The following GALNTL6 variants were observed in gnomAD, a reference collection of about 807,000 sequenced individuals.
GALNTL6 encodes polypeptide N-acetylgalactosaminyltransferase like 6.
A neutral mutation model predicts 73.7 loss-of-function variants in GALNTL6; 46 were observed. That is an observed-to-expected ratio of 0.62 (90% CI 0.49 to 0.80). GALNTL6 has a LOEUF of 0.80. GALNTL6 is among the 30% of genes least tolerant of loss of function. The pLI is 0.00. For synonymous variants in GALNTL6, 259 were observed against 263.7 expected (o/e 0.98, Z 0.17); for missense variants, 604 against 755.0 (o/e 0.80, Z 2.34).
intron 2 of GALNTL6, among the ~76,000 whole-genome samples, chr4:171,846,911 CATATAA>C (rs1735387713): frequency 1.5e-4 from 2 of 12,934 alleles, no homozygotes; most frequent in East Asian, 4.6e-3. Context: ...ATTATATATA[CATATAA>C]TTATATGTAA....
chr4:172,682,608 G>A (rs182760596), intron 5 of GALNTL6, among the ~76,000 whole-genome samples: 17 of 152,156 alleles, frequency 1.1e-4, no homozygotes, highest in Non-Finnish European at 1.6e-4. Flanking sequence ...TTAAATATTT[G>A]CCAATATTTG....
At chr4:171,969,019 T>C (rs167981) in intron 2 of GALNTL6, among the ~76,000 whole-genome samples, 73,736 of 151,702 alleles carry the variant, frequency 0.49, 18,638 homozygotes, top group East Asian at 0.61. Flanking sequence ...GTATTTTTAG[T>C]AGTGGTGGGG....
chr4:172,929,315 C>T (rs1017813768), intron 8 of GALNTL6, among the ~76,000 whole-genome samples: 1 of 152,164 alleles, frequency 6.6e-6, no homozygotes, highest in African/African-American at 2.4e-5. Flanking sequence ...TGACATTCCT[C>T]TTAGTGAAAG....
Position 172,588,222 on chromosome 4 carries a change from G to A in GALNTL6, c.554-221139G>A, listed in dbSNP as rs7677182. Among the ~76,000 whole-genome samples, 1,295 of 152,146 alleles carry A rather than the reference G, an allele frequency of 8.5e-3. 23 individuals are homozygous for A. Among genetic ancestry groups the A allele is most frequent in the African/African-American group, 0.03 (1,243 of 41,500 alleles). The stretch of plus-strand genomic sequence containing the variant: ...TTATGTGTATTGTAGTTTTTACCAT[G>A]GGTCTTAAATTATAGCACACTTTTA... On this transcript the variant is annotated intron_variant, in intron 5 of 12. Transcript: ENST00000506823.
intron 8 of GALNTL6, among the ~76,000 whole-genome samples, chr4:172,905,613 T>G (rs1478232242): frequency 6.6e-6 from 1 of 152,008 alleles, no homozygotes; most frequent in Non-Finnish European, 1.5e-5. Context: ...AAGAACAACA[T>G]GGATTTTACT....
intron 5 of GALNTL6, among the ~76,000 whole-genome samples, chr4:172,536,343 T>A (rs1031731588): frequency 6.6e-6 from 1 of 152,178 alleles, no homozygotes; most frequent in Non-Finnish European, 1.5e-5. Context: ...AATCAGAGGT[T>A]GGAACAGTTT....
intron 7 of GALNTL6, among the ~76,000 whole-genome samples, chr4:172,850,369 T>C (rs78765987): frequency 0.017 from 2,662 of 152,264 alleles, 77 homozygotes; most frequent in African/African-American, 0.06. Flanking sequence ...TAGAGCAGGA[T>C]AACTATGGAT....
chr4:172,594,969 C>G (rs937995639), intron 5 of GALNTL6, among the ~76,000 whole-genome samples: 3 of 152,116 alleles, frequency 2.0e-5, no homozygotes, highest in Non-Finnish European at 1.5e-5. Flanking sequence ...GTCAGGGTGG[C>G]CCCGTGGTTG....
At chr4:172,990,049 G>A (rs1751472250) in intron 10 of GALNTL6, among the ~76,000 whole-genome samples, 1 of 152,028 alleles carries the variant, frequency 6.6e-6, no homozygotes, top group Non-Finnish European at 1.5e-5. Context: ...CTCTGTACAG[G>A]GACTGTGTAA....
At chr4:171,855,174 CT>C (rs373026216) in intron 2 of GALNTL6, among the ~76,000 whole-genome samples, 120 of 152,252 alleles carry the variant, frequency 7.9e-4, no homozygotes, top group African/African-American at 2.6e-3. Context: ...GTTGTAGAAT[CT>C]ATGGGTTTTG....
intron 2 of GALNTL6, among the ~76,000 whole-genome samples, chr4:171,883,800 A>T (rs535041974): frequency 4.2e-4 from 64 of 151,856 alleles, no homozygotes; most frequent in African/African-American, 1.5e-3. Context: ...GGCGCCTGCC[A>T]CCACACCTGG....
At chr4:172,839,001 C>T (rs1233929112) in intron 7 of GALNTL6, among the ~76,000 whole-genome samples, 3 of 152,134 alleles carry the variant, frequency 2.0e-5, no homozygotes, top group African/African-American at 7.2e-5. Flanking sequence ...ATTTTACAGA[C>T]TTTAAAAAGA....
chr4:172,420,694 A>G (rs1731021252), intron 5 of GALNTL6, among the ~76,000 whole-genome samples: 1 of 152,110 alleles, frequency 6.6e-6, no homozygotes, highest in East Asian at 1.9e-4. Context: ...GCTCCTTAGT[A>G]TATATGAGTT....
rs1753863840 is a variant in GALNTL6, at chr4:173,040,669, A to T, written c.*569A>T. 1 of 152,546 alleles carries T rather than the reference A, an allele frequency of 6.6e-6. No individual in the cohort carries two copies. The highest frequency in any genetic ancestry group is 2.1e-4 in the South Asian group (1 of 4,810). 9.4% of individuals were successfully genotyped at this position (152,546 alleles called of 1,614,324 possible). A position where few individuals can be genotyped will look rare whatever the true frequency, so the allele number is the denominator to read the frequency against. Reference sequence around the variant, plus strand: ...ATTTTTATTTTTAAATGAGGGTGCAATATCTAATGTAAGACTTAAATTACA... The same window carrying T: ...ATTTTTATTTTTAAATGAGGGTGCATTATCTAATGTAAGACTTAAATTACA... On this transcript the variant is annotated 3_prime_UTR_variant, in exon 13 of 13. Transcript: ENST00000506823.
chr4:173,039,528 T>C (rs1353812742), intron 12 of GALNTL6, among the ~76,000 whole-genome samples: 1 of 152,134 alleles, frequency 6.6e-6, no homozygotes, highest in Non-Finnish European at 1.5e-5. Context: ...TAAAATACAA[T>C]TTTTTGTGTA....
intron 8 of GALNTL6, among the ~76,000 whole-genome samples, chr4:172,889,006 T>G (rs1190740318): frequency 6.6e-6 from 1 of 152,102 alleles, no homozygotes; most frequent in Non-Finnish European, 1.5e-5. Flanking sequence ...TACATTTGCT[T>G]TTGTGTGTGT....
In GALNTL6 at chr4:172,732,895, A is replaced by G. The variant is rs146666071; in HGVS notation, c.554-76466A>G. On this transcript the variant is annotated intron_variant, in intron 5 of 12. Coordinates refer to ENST00000506823, the MANE Select transcript of GALNTL6 (RefSeq NM_001034845.3). ...TTGACTTTTAGTTGTCTCAATTTAC[A>G]TATTTTAATTACCTATCTCTTAACA... Among the ~76,000 whole-genome samples the G allele has an allele frequency of 6.7e-3, 1,025 of 152,310 alleles. 16 individuals carry two copies. The highest frequency in any genetic ancestry group is 0.023 in the African/African-American group (969 of 41,564).
At chr4:172,532,670 A>G (rs1036792710) in intron 5 of GALNTL6, among the ~76,000 whole-genome samples, 2 of 152,212 alleles carry the variant, frequency 1.3e-5, no homozygotes, top group African/African-American at 4.8e-5. Flanking sequence ...TAGTTACTTC[A>G]TGTTTGAACT....
At chr4:172,261,213 A>G (rs1213808882) in intron 3 of GALNTL6, among the ~76,000 whole-genome samples, 1 of 151,472 alleles carries the variant, frequency 6.6e-6, no homozygotes, top group Non-Finnish European at 1.5e-5. Context: ...GATAGAATTC[A>G]TTTGTGAATC....
Sources: gnomAD v4.1 joint callset for allele counts (sites outside exome capture counted in the v4.1 genomes callset) on GRCh38, gnomAD v4.1.1 for gene constraint, MANE v1.5 for transcripts, NCBI Gene and HGNC (gene_info 2026-07-23, HGNC 2026-07-21) for gene names.